Variants in HDAC8 observed in about 807,000 individuals in gnomAD.
HDAC8 encodes the protein histone deacetylase 8.
In HDAC8, 1 loss-of-function variant was observed where a neutral mutation model predicts 32.2. The ratio of observed to expected loss-of-function variants is 0.03; its 90% CI spans 0.01 to 0.15. The LOEUF is 0.15. HDAC8 is among the 10% of genes least tolerant of loss of function. The pLI is 1.00. For synonymous variants in HDAC8, 108 were observed against 113.9 expected, an observed-to-expected ratio of 0.95 and a Z score of 0.33; for missense variants, 117 against 300.0, an observed-to-expected ratio of 0.39 and a Z score of 4.51.
rs150477703 is a variant in HDAC8 at position 72,341,113 on chromosome X, C to A, written c.1111+10620G>T. On this transcript the variant is annotated intron_variant, in intron 10 of 10. Transcript: ENST00000373573. The stretch of plus-strand genomic sequence containing the variant: ...CATTCAGCATGTGAGCCCAGCATGG[C>A]TTGGTGTCCCCAGTTCCTTATTGCC... Among the ~76,000 whole-genome samples, 68 of 111,783 alleles carry A rather than the reference C, an allele frequency of 6.1e-4. 2 individuals are homozygous for A. In the East Asian group the frequency reaches 0.015, roughly 24 times the overall value.
chrX:72,560,011 G>A (rs1265033314), intron 4 of HDAC8, among the ~76,000 whole-genome samples: 16 of 112,672 alleles, frequency 1.4e-4, no homozygotes, highest in African/African-American at 4.5e-4. Context: ...CGGCCGCCCC[G>A]TCTGGGAAGT....
chrX:72,485,492 C>A (rs2048639980), intron 7 of HDAC8, among the ~76,000 whole-genome samples: 1 of 110,667 alleles, frequency 9.0e-6, no homozygotes, highest in Non-Finnish European at 1.9e-5. Flanking sequence ...AAGTTCCTGC[C>A]TGACTAGCTG....
chrX:72,462,699 C>T (rs1365299098), intron 8 of HDAC8, among the ~76,000 whole-genome samples: 1 of 111,403 alleles, frequency 9.0e-6, no homozygotes, highest in East Asian at 2.8e-4. Context: ...TGACCCATCT[C>T]GTCAGGTCCT....
At chrX:72,407,293 G>T (rs141455558) in intron 9 of HDAC8, among the ~76,000 whole-genome samples, 1 of 112,202 alleles carries the variant, frequency 8.9e-6, no homozygotes. Flanking sequence ...GTGCACCGGG[G>T]TGAAGCCACA....
chrX:72,448,066 C>G (rs2047463502), intron 9 of HDAC8, among the ~76,000 whole-genome samples: 2 of 111,972 alleles, frequency 1.8e-5, no homozygotes, highest in Non-Finnish European at 3.8e-5. Flanking sequence ...ACTTTCTTCA[C>G]AGAATTAGAA....
intron 9 of HDAC8, among the ~76,000 whole-genome samples, chrX:72,356,414 G>C (rs1555950801): frequency 8.9e-6 from 1 of 111,764 alleles, no homozygotes; most frequent in East Asian, 2.8e-4. Context: ...TTTCATGATG[G>C]GCCCTGCTAA....
At chrX:72,503,915 C>T (rs1396911617) in intron 4 of HDAC8, among the ~76,000 whole-genome samples, 3 of 112,033 alleles carry the variant, frequency 2.7e-5, no homozygotes, top group Non-Finnish European at 5.6e-5. Flanking sequence ...AAGGTTACTT[C>T]CTGGCAAGTC....
intron 6 of HDAC8, 27 bp downstream of exon 6, chrX:72,490,902 T>G: frequency 9.5e-7 from 1 of 1,052,949 alleles, no homozygotes; most frequent in South Asian, 1.9e-5. Context: ...AGTCATCAAA[T>G]GTAATACTGA....
intron 7 of HDAC8, among the ~76,000 whole-genome samples, chrX:72,471,795 G>T (rs2148064597): frequency 9.0e-6 from 1 of 111,598 alleles, no homozygotes; most frequent in African/African-American, 3.2e-5. Flanking sequence ...CATTCTGTGG[G>T]TTATCTTTGC....
intron 9 of HDAC8, among the ~76,000 whole-genome samples, chrX:72,448,654 A>G (rs2047485711): frequency 8.9e-6 from 1 of 112,440 alleles, no homozygotes; most frequent in African/African-American, 3.2e-5. Flanking sequence ...GACAAGTTAC[A>G]GAATGGGAGA....
intron 9 of HDAC8, among the ~76,000 whole-genome samples, chrX:72,423,452 T>C (rs932713982): frequency 1.8e-5 from 2 of 112,001 alleles, no homozygotes; most frequent in African/African-American, 6.5e-5. Context: ...TTCAATTTTT[T>C]ATATGCTCTA....
chrX:72,503,251 T>A (rs1442781871), intron 4 of HDAC8, among the ~76,000 whole-genome samples: 2 of 112,032 alleles, frequency 1.8e-5, no homozygotes, highest in African/African-American at 6.5e-5. Context: ...CTATGCCAGG[T>A]ACTTTTGTGT....
At chrX:72,539,941 C>T (rs1381855004) in intron 4 of HDAC8, among the ~76,000 whole-genome samples, 1 of 112,298 alleles carries the variant, frequency 8.9e-6, no homozygotes, top group Non-Finnish European at 1.9e-5. Flanking sequence ...AAAAGCAGAG[C>T]TAATGATTCC....
chrX:72,408,651 C>A (rs989974838), intron 9 of HDAC8, among the ~76,000 whole-genome samples: 1 of 111,791 alleles, frequency 8.9e-6, no homozygotes. Context: ...AGTGATCTAC[C>A]CGCCTTGGCC....
intron 9 of HDAC8, among the ~76,000 whole-genome samples, chrX:72,389,311 G>A (rs944051031): frequency 9.0e-5 from 10 of 111,192 alleles, no homozygotes; most frequent in Non-Finnish European, 1.9e-4. Flanking sequence ...TAAGTGTCTC[G>A]AAACAAATTA....
intron 4 of HDAC8, among the ~76,000 whole-genome samples, chrX:72,532,637 T>C (rs1332708204): frequency 9.1e-6 from 1 of 110,450 alleles, no homozygotes; most frequent in African/African-American, 3.3e-5. Context: ...CTGAACATCT[T>C]TAATGCTCTT....
intron 3 of HDAC8, 51 bp from the exon 4 acceptor site, chrX:72,568,081 G>A: frequency 8.9e-7 from 1 of 1,127,768 alleles, no homozygotes; most frequent in South Asian, 1.9e-5. Flanking sequence ...GGAAAAAGAG[G>A]AGGAATAGGT....
intron 9 of HDAC8, among the ~76,000 whole-genome samples, chrX:72,424,009 G>A (rs1380066546): frequency 8.9e-6 from 1 of 112,213 alleles, no homozygotes; most frequent in East Asian, 2.8e-4. Flanking sequence ...TCTACTCCAA[G>A]TTTCCTGACC....
At chrX:72,461,880 T>C (rs1429889403) in intron 9 of HDAC8, 124 bp downstream of exon 9, 5 of 482,116 alleles carry the variant, frequency 1.0e-5, no homozygotes, top group Non-Finnish European at 1.8e-5. Flanking sequence ...CAAGACAGTG[T>C]GTTATTGTTA....
Sources: allele counts gnomAD v4.1 joint callset (sites outside exome capture counted in the v4.1 genomes callset), GRCh38; gene constraint gnomAD v4.1.1; transcripts MANE v1.5; gene names NCBI Gene and HGNC (gene_info 2026-07-23, HGNC 2026-07-21).